The following KCTD8 variants were observed in gnomAD, a reference collection of about 807,000 sequenced individuals.
The protein encoded by KCTD8 is BTB/POZ domain-containing protein KCTD8.
Under a neutral mutation model 31.5 loss-of-function variants are expected in KCTD8, and 27 were observed. The observed-to-expected ratio is 0.86, with a 90% CI of 0.63 to 1.18. The LOEUF is 1.18. KCTD8 is among the 50% of genes most tolerant of loss of function. The probability of loss-of-function intolerance (pLI) is 0.00; values close to 1 mark genes in which losing one functional copy is unlikely to be tolerated. For synonymous variants in KCTD8, 290 were observed against 280.0 expected (o/e 1.04, Z -0.36); for missense variants, 658 against 647.7 (o/e 1.02, Z -0.17).
intron 1 of KCTD8, among the ~76,000 whole-genome samples, chr4:44,243,628 C>A (rs1237867745): frequency 6.6e-6 from 1 of 152,150 alleles, no homozygotes; most frequent in Non-Finnish European, 1.5e-5. Context: ...ACAACCCATT[C>A]ATTTCATGGG....
At chr4:44,321,161 A>G (rs1403952591) in intron 1 of KCTD8, among the ~76,000 whole-genome samples, 1 of 152,142 alleles carries the variant, frequency 6.6e-6, no homozygotes, top group Non-Finnish European at 1.5e-5. Context: ...CTGTTTAAAT[A>G]CCTGTTTTGT....
intron 1 of KCTD8, among the ~76,000 whole-genome samples, chr4:44,298,459 G>T (rs932168771): frequency 6.6e-6 from 1 of 151,632 alleles, no homozygotes; most frequent in Non-Finnish European, 1.5e-5. Flanking sequence ...AGATGAACTG[G>T]GGGAAAAGGA....
At chr4:44,341,232 T>TG (rs1307226642) in intron 1 of KCTD8, among the ~76,000 whole-genome samples, 1 of 152,238 alleles carries the variant, frequency 6.6e-6, no homozygotes, top group East Asian at 1.9e-4. Context: ...AACAATCATC[T>TG]GGGTCTTCAG....
chr4:44,229,972 C>T (rs987287832), intron 1 of KCTD8, among the ~76,000 whole-genome samples: 3 of 151,964 alleles, frequency 2.0e-5, no homozygotes, highest in Admixed American at 6.6e-5. Flanking sequence ...TGCTCTCCCT[C>T]CCCCACCCCC....
At chr4:44,287,243 C>A (rs978091302) in intron 1 of KCTD8, among the ~76,000 whole-genome samples, 4 of 151,922 alleles carry the variant, frequency 2.6e-5, no homozygotes, top group Non-Finnish European at 4.4e-5. Context: ...AATAGCGAAA[C>A]CTTATCTCAA....
In KCTD8 at chr4:44,383,417, A is replaced by G. The variant is rs190720255; in HGVS notation, c.961+64146T>C. Among the ~76,000 whole-genome samples the G allele has an allele frequency of 9.5e-4, 145 of 152,212 alleles. 1 individual carries two copies. Among genetic ancestry groups the G allele is most frequent in the African/African-American group, 3.2e-3 (131 of 41,570 alleles). ...GGCATCACACCTGACTTGAAAATAT[A>G]CTACAGACCTTTAGGAACCAAACCA... is the stretch of plus-strand genomic sequence containing the variant. On this transcript the variant is annotated intron_variant, in intron 1 of 1. Transcript: ENST00000360029.
At chr4:44,348,142 C>CA (rs1418152064) in intron 1 of KCTD8, among the ~76,000 whole-genome samples, 2 of 151,972 alleles carry the variant, frequency 1.3e-5, no homozygotes, top group Non-Finnish European at 2.9e-5. Context: ...CTGTATTACA[C>CA]AAAAAAGAAC....
Position 44,448,734 on chromosome 4 carries a change from G to C in KCTD8, c.-211C>G. 2.5e-6 allele frequency: 1 copy of C among 399,266 alleles called. No individual in the cohort carries two copies. The highest frequency in any genetic ancestry group is 4.6e-5 in the Admixed American group (1 of 21,830). The allele number at this position is 399,266 out of a possible 1,614,324, so 24.7% of individuals were successfully genotyped here. A position where few individuals can be genotyped will look rare whatever the true frequency, so the allele number is the denominator to read the frequency against. ...CGGAGGAGAGACGCGCGAGAGAGGA[G>C]CTCCGCCGGTGCGGCGGCGGCAATG... On this transcript the variant is annotated 5_prime_UTR_variant, in exon 1 of 2. Coordinates refer to ENST00000360029, the MANE Select transcript of KCTD8 (RefSeq NM_198353.3). The surrounding 1 kb of genome is among the most constrained non-coding windows in gnomAD (Gnocchi z 4.1).
intron 1 of KCTD8, among the ~76,000 whole-genome samples, chr4:44,335,348 T>A (rs187820679): frequency 6.6e-6 from 1 of 152,268 alleles, no homozygotes. Context: ...ACCAATTTTA[T>A]ATTAAAGGAA....
At chr4:44,188,794 G>A (rs1333964123) in intron 1 of KCTD8, among the ~76,000 whole-genome samples, 5 of 152,152 alleles carry the variant, frequency 3.3e-5, no homozygotes, top group African/African-American at 1.2e-4. Flanking sequence ...ATCCTGGAAT[G>A]TCAGCTGCCA....
rs763932768 is a variant in KCTD8, at chr4:44,448,412, C to G, written c.112G>C (p.Ala38Pro). The G allele has an allele frequency of 6.4e-6, 10 of 1,569,264 alleles. No individual in the cohort carries two copies. The South Asian group carries it at 1.1e-4, about 17-fold the overall frequency. The change falls in exon 1 of 2, where the codon GCA (alanine) becomes CCA (proline). Residue 38 changes from alanine to proline, a missense_variant. Coordinates refer to ENST00000360029, the MANE Select transcript of KCTD8 (RefSeq NM_198353.3). This position sits in a 1 kb window ranked among gnomAD's most constrained non-coding sequence, Gnocchi z 4.1. ...ACTACTTCAGGGAAGGGCGAGGGTG[C>G]GCAGGGCCCCGGGGCGGCGGCGGCC... ...ASAAAAPGPC[A>P]PSPFPEVVEL...
intron 1 of KCTD8, among the ~76,000 whole-genome samples, chr4:44,278,527 G>A (rs550393260): frequency 6.6e-6 from 1 of 152,126 alleles, no homozygotes; most frequent in African/African-American, 2.4e-5. Context: ...CATTTGTAGA[G>A]GTGATGATGA....
intron 1 of KCTD8, among the ~76,000 whole-genome samples, chr4:44,442,784 C>CACACACACACAA (rs2109485426): frequency 7.7e-6 from 1 of 129,384 alleles, no homozygotes; most frequent in East Asian, 2.3e-4. Flanking sequence ...TACACACACA[C>CACACACACACAA]ACACACACAC....
chr4:44,356,560 G>A (rs773153463), intron 1 of KCTD8, among the ~76,000 whole-genome samples: 4 of 152,088 alleles, frequency 2.6e-5, no homozygotes, highest in Admixed American at 6.6e-5. Context: ...TGCAACTTCC[G>A]CCTCCCGGGT....
At position 44,446,468 on chromosome 4, in the gene KCTD8, TC is replaced by T. The variant is rs546348485; in HGVS notation, c.961+1094del. 5.3e-5 allele frequency among the ~76,000 whole-genome samples: 8 copies of T among 152,234 alleles called. No homozygotes were observed. In the South Asian group the frequency reaches 1.7e-3, roughly 32 times the overall value. ...CTGGCTTTTCGTTTGTCCAAATCGC[TC>T]TCTAGTCGTTGTCTTTTCACTTCAT... On this transcript the variant is annotated intron_variant, in intron 1 of 1. Coordinates refer to ENST00000360029, the MANE Select transcript of KCTD8 (RefSeq NM_198353.3).
At chr4:44,188,764 T>C (rs1713670367) in intron 1 of KCTD8, among the ~76,000 whole-genome samples, 1 of 151,978 alleles carries the variant, frequency 6.6e-6, no homozygotes, top group Non-Finnish European at 1.5e-5. Context: ...GAATCAGAGG[T>C]TGGAGTGATG....
chr4:44,186,276 A>G (rs1713584736), intron 1 of KCTD8, among the ~76,000 whole-genome samples: 1 of 152,202 alleles, frequency 6.6e-6, no homozygotes, highest in African/African-American at 2.4e-5. Context: ...TGGTGGAAGC[A>G]GTCAGAGGAG....
chr4:44,420,553 T>G (rs949558748), intron 1 of KCTD8, among the ~76,000 whole-genome samples: 2 of 152,154 alleles, frequency 1.3e-5, no homozygotes, highest in Non-Finnish European at 2.9e-5. Context: ...TTTGCAATAA[T>G]CACAGAGTAG....
chr4:44,197,445 C>G (rs534914197), intron 1 of KCTD8, among the ~76,000 whole-genome samples: 18 of 152,164 alleles, frequency 1.2e-4, no homozygotes, highest in African/African-American at 4.3e-4. Context: ...ATCTCTCTCC[C>G]CCAACCACCG....
Sources: gnomAD v4.1 joint callset for allele counts (sites outside exome capture counted in the v4.1 genomes callset) on GRCh38, gnomAD v4.1.1 for gene constraint, Gnocchi (gnomAD v3.1) non-coding constraint, MANE v1.5 for transcripts, NCBI Gene and HGNC (gene_info 2026-07-23, HGNC 2026-07-21) for gene names.